KIF26B: variants seen among roughly 807,000 people sequenced by gnomAD.
KIF26B encodes kinesin-like protein KIF26B.
A neutral mutation model predicts 151.2 loss-of-function variants in KIF26B; 63 were observed. The ratio of observed to expected loss-of-function variants is 0.42; its 90% confidence interval spans 0.34 to 0.51. The LOEUF (loss-of-function observed/expected upper bound fraction) is 0.51, where lower values mean the gene tolerates loss of function less well. KIF26B is among the 20% of genes least tolerant of loss of function. KIF26B has a pLI of 0.07. For missense variants in KIF26B, 2,813 were observed against 2,913.6 expected (o/e 0.97, Z 0.79); for synonymous variants, 1,357 against 1,262.1 (o/e 1.08, Z -1.59).
intron 10 of KIF26B, among the ~76,000 whole-genome samples, chr1:245,668,607 T>G (rs75273221): frequency 0.083 from 12,699 of 152,284 alleles, 990 homozygotes; most frequent in East Asian, 0.39. Flanking sequence ...TGCACTGTTC[T>G]TTGTGCCAAG....
At chr1:245,396,748 T>G in intron 3 of KIF26B, among the ~76,000 whole-genome samples, 1 of 152,220 alleles carries the variant, frequency 6.6e-6, no homozygotes, top group East Asian at 1.9e-4. Context: ...TCAGTTTTCC[T>G]GGCTTACACT....
intron 2 of KIF26B, among the ~76,000 whole-genome samples, chr1:245,229,525 C>T (rs1375377932): frequency 6.6e-6 from 1 of 152,184 alleles, no homozygotes; most frequent in South Asian, 2.1e-4. Flanking sequence ...ACAGCAAAAT[C>T]CAGGCTGTCC....
chr1:245,569,927 ATTTTTTTTTT>A (rs869238168), intron 5 of KIF26B, among the ~76,000 whole-genome samples: 2 of 47,652 alleles, frequency 4.2e-5, no homozygotes, highest in Non-Finnish European at 7.5e-5. Flanking sequence ...TAAATAGAGA[ATTTTTTTTTT>A]TTTTTTTTTT....
At chr1:245,470,008 T>TC (rs1659876146) in intron 4 of KIF26B, among the ~76,000 whole-genome samples, 2 of 151,778 alleles carry the variant, frequency 1.3e-5, no homozygotes, top group African/African-American at 4.8e-5. Flanking sequence ...GGCGGGAGTC[T>TC]CGGGGGAGAA....
chr1:245,201,047 C>G (rs1669292363), intron 2 of KIF26B, among the ~76,000 whole-genome samples: 1 of 152,206 alleles, frequency 6.6e-6, no homozygotes, highest in Admixed American at 6.5e-5. Context: ...GGATTATCTT[C>G]ACTTTACACC....
rs940098913 is a variant in KIF26B, at chr1:245,678,520, C to G, written c.2259-5713C>G. On this transcript the variant is annotated intron_variant, in intron 10 of 14. Coordinates refer to ENST00000407071, the MANE Select transcript of KIF26B (RefSeq NM_018012.4). ...TGGCTATCTCATGCGTGTAAGAATT[C>G]TGTGTGTGTAGTTTCCATCCTTAAA... 7.7e-4 allele frequency among the ~76,000 whole-genome samples: 117 copies of G among 152,040 alleles called. 1 individual carries two copies. The highest frequency in any genetic ancestry group is 2.3e-3 in the African/African-American group (95 of 41,406).
rs2103561810 is a variant in KIF26B, at chr1:245,244,765, C to CACACACACAG, written c.465+88091_465+88092insGACACACACA. ...ACACAGACACGCACACTCACACACACACACACACACACACACACACACACA... is the reference window on the plus strand; with the variant it reads ...ACACAGACACGCACACTCACACACACACACACACAGACACACACACACACACACACACACA... On this transcript the variant is annotated intron_variant, in intron 2 of 14. Transcript: ENST00000407071. This position sits in a 1 kb window ranked among gnomAD's most constrained non-coding sequence, Gnocchi z 4.2. Among the ~76,000 whole-genome samples, 1 of 145,052 alleles carries CACACACACAG rather than the reference C, an allele frequency of 6.9e-6. No individual in the cohort carries two copies. Among genetic ancestry groups the CACACACACAG allele is most frequent in the East Asian group, 2.0e-4 (1 of 4,898 alleles).
intron 10 of KIF26B, among the ~76,000 whole-genome samples, chr1:245,674,184 C>G (rs573970176): frequency 2.0e-5 from 3 of 152,164 alleles, no homozygotes; most frequent in Non-Finnish European, 1.5e-5. Context: ...TTATCCCCCC[C>G]ACCAGTAAAG....
chr1:245,554,893 G>A (rs1166286521), intron 5 of KIF26B, among the ~76,000 whole-genome samples: 4 of 152,264 alleles, frequency 2.6e-5, no homozygotes, highest in Admixed American at 2.0e-4. Flanking sequence ...AAGACCTCAC[G>A]CATCCTTTGC....
At chr1:245,328,544 A>T (rs534687358) in intron 2 of KIF26B, among the ~76,000 whole-genome samples, 1 of 152,276 alleles carries the variant, frequency 6.6e-6, no homozygotes, top group East Asian at 1.9e-4. Context: ...TCATGCTGTG[A>T]TGTGGTGTGG....
At chr1:245,220,822 G>A (rs987812416) in intron 2 of KIF26B, among the ~76,000 whole-genome samples, 3 of 152,120 alleles carry the variant, frequency 2.0e-5, no homozygotes, top group African/African-American at 7.2e-5. Context: ...ACAGGCTTTT[G>A]GGGAGGGAAG....
At chr1:245,650,124 G>A (rs1175872225) in intron 10 of KIF26B, among the ~76,000 whole-genome samples, 1 of 152,160 alleles carries the variant, frequency 6.6e-6, no homozygotes, top group Non-Finnish European at 1.5e-5. Flanking sequence ...AGACCACCAA[G>A]GGCTCCAACC....
At chr1:245,643,962 G>A (rs1044317976) in intron 9 of KIF26B, among the ~76,000 whole-genome samples, 1 of 152,076 alleles carries the variant, frequency 6.6e-6, no homozygotes, top group African/African-American at 2.4e-5. Flanking sequence ...TGGTTATGAT[G>A]TGCCTTGATA....
chr1:245,156,677 G>C lies in KIF26B; in HGVS notation c.459G>C (p.Pro153=), dbSNP rs999161612. 6.0e-6 allele frequency: 9 copies of C among 1,494,590 alleles called. No individual in the cohort carries two copies. The African/African-American group carries it at 1.2e-4, about 19-fold the overall frequency. 92.6% of individuals were successfully genotyped at this position (1,494,590 alleles called of 1,614,324 possible). A position where few individuals can be genotyped will look rare whatever the true frequency, so the allele number is the denominator to read the frequency against. The change falls in exon 2 of 15, where the codon CCG becomes CCC. Residue 153 remains proline (P), a synonymous_variant. Transcript: ENST00000407071. The part of the protein sequence containing the change: ...ALRLLLPGPF[P]GKDPAFSAVI... ...GGTTGCTCCTCCCGGGGCCCTTCCC[G>C]GGCAAGGTGAGCGCCGCGCGGGGCT...
intron 5 of KIF26B, among the ~76,000 whole-genome samples, chr1:245,594,525 A>G (rs527332899): frequency 6.6e-6 from 1 of 152,174 alleles, no homozygotes; most frequent in Non-Finnish European, 1.5e-5. Context: ...ACATTTGTCT[A>G]TATCTCTGTT....
chr1:245,270,113 C>A (rs1264398671), intron 2 of KIF26B, among the ~76,000 whole-genome samples: 1 of 136,030 alleles, frequency 7.4e-6, no homozygotes, highest in African/African-American at 2.8e-5. Flanking sequence ...TTACTTTCTG[C>A]TGTTCTTTTT....
intron 2 of KIF26B, among the ~76,000 whole-genome samples, chr1:245,302,712 G>A (rs137947871): frequency 6.1e-4 from 92 of 152,058 alleles, no homozygotes; most frequent in African/African-American, 2.0e-3. Context: ...GCAAATGTGC[G>A]GGGTGCGGTG....
chr1:245,272,306 G>C lies in KIF26B; in HGVS notation c.466-94528G>C, dbSNP rs556808590. On this transcript the variant is annotated intron_variant, in intron 2 of 14. Transcript: ENST00000407071. ...CCAGGTACAGTGGTGTGTGCCTGTA[G>C]TTCCAGCTATTTGGGATGCTGAAGC... Among the ~76,000 whole-genome samples the C allele has an allele frequency of 1.1e-4, 17 of 152,100 alleles. No homozygotes were observed. The South Asian group carries it at 3.5e-3, about 32-fold the overall frequency.
At chr1:245,477,523 G>T (rs1192462930) in intron 4 of KIF26B, among the ~76,000 whole-genome samples, 1 of 151,828 alleles carries the variant, frequency 6.6e-6, no homozygotes, top group Non-Finnish European at 1.5e-5. Context: ...GAACAAGGTA[G>T]CGCAGGTACG....
Sources: allele counts gnomAD v4.1 joint callset (sites outside exome capture counted in the v4.1 genomes callset), GRCh38; gene constraint gnomAD v4.1.1; non-coding constraint Gnocchi (gnomAD v3.1); transcripts MANE v1.5; gene names NCBI Gene and HGNC (gene_info 2026-07-23, HGNC 2026-07-21).